ITPR1: variants seen among roughly 807,000 people sequenced by gnomAD.
The protein encoded by ITPR1 is inositol 1,4,5-trisphosphate receptor type 1, also known as inositol 1,4,5-trisphosphate-gated calcium channel ITPR1.
In ITPR1, 96 loss-of-function variants were observed where a neutral mutation model predicts 318.4. The observed-to-expected ratio is 0.30, with a 90% CI of 0.26 to 0.36. ITPR1 has a LOEUF of 0.36. Ranked by LOEUF, ITPR1 falls within the 10% of genes least tolerant of loss-of-function variation. The pLI is 1.00. For missense variants in ITPR1, 2,440 were observed against 3,460.2 expected (o/e 0.71, Z 7.40); for synonymous variants, 1,312 against 1,289.9 (o/e 1.02, Z -0.37).
intron 4 of ITPR1, among the ~76,000 whole-genome samples, chr3:4,550,774 G>C (rs992508317): frequency 6.6e-6 from 1 of 152,092 alleles, no homozygotes; most frequent in African/African-American, 2.4e-5. Flanking sequence ...CAGCTACTAG[G>C]GAGGCTAAGG....
At chr3:4,540,730 C>T (rs2084362551) in intron 4 of ITPR1, among the ~76,000 whole-genome samples, 1 of 152,064 alleles carries the variant, frequency 6.6e-6, no homozygotes, top group African/African-American at 2.4e-5. Context: ...GGCATGCCAC[C>T]ATGCCTGGCT....
intron 39 of ITPR1, among the ~76,000 whole-genome samples, chr3:4,715,863 C>T (rs1010745294): frequency 7.9e-5 from 12 of 151,960 alleles, no homozygotes; most frequent in African/African-American, 1.5e-4. Flanking sequence ...AAAACAACAA[C>T]GACAACAAAT....
chr3:4,684,381 T>A (rs1302969331), intron 29 of ITPR1, 35 bp downstream of exon 29: 1 of 1,465,966 alleles, frequency 6.8e-7, no homozygotes, highest in African/African-American at 1.4e-5. Flanking sequence ...TTTCCTTTCT[T>A]TATGAATTCT....
intron 4 of ITPR1, among the ~76,000 whole-genome samples, chr3:4,547,088 T>C (rs562424988): frequency 2.0e-5 from 3 of 152,334 alleles, no homozygotes; most frequent in Admixed American, 1.3e-4. Context: ...AAAACTTTTA[T>C]TGAGTGTCTA....
chr3:4,639,304 C>G (rs1027482571), intron 5 of ITPR1, 80 bp from the exon 6 acceptor site: 1 of 1,066,918 alleles, frequency 9.4e-7, no homozygotes, highest in African/African-American at 1.6e-5. Flanking sequence ...TATGAACTGG[C>G]GACATTTGTT....
chr3:4,702,019 C>T (rs1284975444), intron 35 of ITPR1, among the ~76,000 whole-genome samples: 1 of 152,124 alleles, frequency 6.6e-6, no homozygotes, highest in Non-Finnish European at 1.5e-5. Flanking sequence ...CCCTCTGAAA[C>T]GAAAAGACCA....
At chr3:4,834,747 C>T (rs2050771790) in intron 60 of ITPR1, among the ~76,000 whole-genome samples, 1 of 152,306 alleles carries the variant, frequency 6.6e-6, no homozygotes, top group South Asian at 2.1e-4. Context: ...AAACTGGTTA[C>T]AGGTGGGGAA....
At chr3:4,790,649 T>A (rs1478408076) in intron 52 of ITPR1, among the ~76,000 whole-genome samples, 2 of 152,234 alleles carry the variant, frequency 1.3e-5, no homozygotes, top group African/African-American at 4.8e-5. Flanking sequence ...CAGAATCAAT[T>A]TTTCAGGCTC....
intron 2 of ITPR1, among the ~76,000 whole-genome samples, chr3:4,502,200 T>A (rs183112284): frequency 1.2e-4 from 19 of 152,222 alleles, no homozygotes; most frequent in African/African-American, 4.6e-4. Flanking sequence ...CCTCGCCAGA[T>A]CCTTCTATTC....
chr3:4,759,451 T>C (rs1325378928), intron 44 of ITPR1, among the ~76,000 whole-genome samples: 1 of 152,116 alleles, frequency 6.6e-6, no homozygotes, highest in Non-Finnish European at 1.5e-5. Context: ...CACACCCCAG[T>C]GTGGTCAAAA....
intron 54 of ITPR1, among the ~76,000 whole-genome samples, chr3:4,801,432 G>T (rs1251044362): frequency 1.3e-5 from 2 of 152,162 alleles, no homozygotes; most frequent in Admixed American, 6.5e-5. Flanking sequence ...AAGCTGAAAA[G>T]CTTACAGCGG....
chr3:4,825,245 C>A (rs574652043), intron 60 of ITPR1, among the ~76,000 whole-genome samples: 1 of 152,130 alleles, frequency 6.6e-6, no homozygotes, highest in African/African-American at 2.4e-5. Context: ...TGTTCCATTA[C>A]GGGTTAGTTC....
At chr3:4,821,450 C>T (rs2049710082) in intron 60 of ITPR1, among the ~76,000 whole-genome samples, 1 of 152,248 alleles carries the variant, frequency 6.6e-6, no homozygotes, top group Non-Finnish European at 1.5e-5. Flanking sequence ...TTGCAGACAG[C>T]AGCATCAGGG....
chr3:4,530,237 G>A (rs2083302286), intron 4 of ITPR1, among the ~76,000 whole-genome samples: 1 of 152,178 alleles, frequency 6.6e-6, no homozygotes, highest in Non-Finnish European at 1.5e-5. Flanking sequence ...CTCCTCGCCA[G>A]ATTTTGGAGC....
At chr3:4,835,321 A>G (rs539695030) in intron 60 of ITPR1, among the ~76,000 whole-genome samples, 47 of 152,310 alleles carry the variant, frequency 3.1e-4, no homozygotes, top group African/African-American at 1.1e-3. Flanking sequence ...AAATATATTG[A>G]TGCCTTCTAT....
intron 3 of ITPR1, among the ~76,000 whole-genome samples, chr3:4,517,978 A>C (rs529045919): frequency 6.6e-6 from 1 of 152,264 alleles, no homozygotes; most frequent in African/African-American, 2.4e-5. Flanking sequence ...ACAACTGTCT[A>C]TGGTGAACAT....
At chr3:4,783,294 T>A (rs1194870290) in intron 50 of ITPR1, among the ~76,000 whole-genome samples, 2 of 152,168 alleles carry the variant, frequency 1.3e-5, no homozygotes, top group Non-Finnish European at 2.9e-5. Flanking sequence ...CCTTGAGCTT[T>A]CGGTGGGTAG....
chr3:4,789,033 C>G (rs1372098829), intron 52 of ITPR1, among the ~76,000 whole-genome samples: 1 of 152,176 alleles, frequency 6.6e-6, no homozygotes, highest in Non-Finnish European at 1.5e-5. Context: ...TCCCTTTTCT[C>G]CCTACCTGCC....
chr3:4,712,263 C>G (rs1055328673), intron 39 of ITPR1, among the ~76,000 whole-genome samples: 1 of 152,182 alleles, frequency 6.6e-6, no homozygotes, highest in Non-Finnish European at 1.5e-5. Flanking sequence ...TGAGCTGTTG[C>G]GCAATCCTTT....
Sources: allele counts gnomAD v4.1 joint callset (sites outside exome capture counted in the v4.1 genomes callset), GRCh38; gene constraint gnomAD v4.1.1; transcripts MANE v1.5; gene names NCBI Gene and HGNC (gene_info 2026-07-23, HGNC 2026-07-21).